PACRG: variants seen among roughly 807,000 people sequenced by gnomAD.
PACRG encodes the protein parkin coregulated gene protein.
In PACRG, 29 loss-of-function variants were observed where a neutral mutation model predicts 29.7. That is an observed-to-expected ratio of 0.98 (90% CI 0.73 to 1.33). PACRG has a LOEUF of 1.33. PACRG is among the 40% of genes most tolerant of loss of function. The probability of loss-of-function intolerance (pLI) is 0.00; values close to 1 mark genes in which losing one functional copy is unlikely to be tolerated. For synonymous variants in PACRG, 116 were observed against 118.7 expected (o/e 0.98, Z 0.15); for missense variants, 279 against 316.2 (o/e 0.88, Z 0.89).
chr6:162,733,245 T>C (rs1779910519), intron 1 of PACRG, among the ~76,000 whole-genome samples: 1 of 152,216 alleles, frequency 6.6e-6, no homozygotes, highest in South Asian at 2.1e-4. Context: ...GTCACCCACA[T>C]AGAAAGTTAT....
chr6:163,099,786 A>G (rs75698556), intron 4 of PACRG, among the ~76,000 whole-genome samples: 1,632 of 152,272 alleles, frequency 0.011, 32 homozygotes, highest in African/African-American at 0.038. Context: ...GCTTGACTGG[A>G]TGGAGGAGCC....
intron 2 of PACRG, among the ~76,000 whole-genome samples, chr6:163,008,244 C>G (rs1275890853): frequency 6.6e-6 from 1 of 152,102 alleles, no homozygotes; most frequent in African/African-American, 2.4e-5. Context: ...CTCAGGCCCT[C>G]AAAGACAGAT....
intron 4 of PACRG, among the ~76,000 whole-genome samples, chr6:163,092,493 G>A (rs1288931621): frequency 6.6e-6 from 1 of 152,162 alleles, no homozygotes; most frequent in African/African-American, 2.4e-5. Flanking sequence ...ATCCTCTTGT[G>A]TGTTCATAAT....
Position 162,953,890 on chromosome 6 carries a change from A to G in PACRG, c.292-108260A>G, listed in dbSNP as rs75895626. ...TTGCAAAAAAGCAGAAATGAAAAAT[A>G]CTATATGAACTTATCAATACTGCCT... On this transcript the variant is annotated intron_variant, in intron 2 of 4. Coordinates refer to ENST00000366888, the MANE Select transcript of PACRG (RefSeq NM_001080379.2). 8.4e-3 allele frequency among the ~76,000 whole-genome samples: 1,285 copies of G among 152,350 alleles called. 26 individuals carry two copies. Among genetic ancestry groups the G allele is most frequent in the African/African-American group, 0.029 (1,219 of 41,580 alleles).
At chr6:162,988,967 T>C (rs1005831198) in intron 2 of PACRG, among the ~76,000 whole-genome samples, 4 of 152,166 alleles carry the variant, frequency 2.6e-5, no homozygotes, top group African/African-American at 9.7e-5. Context: ...TACATTACAA[T>C]GTTCAATACA....
intron 4 of PACRG, among the ~76,000 whole-genome samples, chr6:163,091,936 G>A (rs1814144195): frequency 6.6e-6 from 1 of 152,140 alleles, no homozygotes; most frequent in Admixed American, 6.5e-5. Flanking sequence ...GTATGTAGCA[G>A]TAGAAAAAAC....
rs1252852678 is a variant in PACRG, at chr6:162,728,159, G to C, written c.-77G>C. The C allele has an allele frequency of 1.3e-5, 19 of 1,514,076 alleles. No homozygotes were observed. In the Admixed American group the frequency reaches 3.8e-4, roughly 30 times the overall value. The allele number at this position is 1,514,076 out of a possible 1,614,324, so 93.8% of individuals were successfully genotyped here. On this transcript the variant is annotated 5_prime_UTR_variant, in exon 1 of 5. Transcript: ENST00000366888. ...TCGCGCCTTTTGATATTTTTTTCCA[G>C]ACCTCCTGCTCACATCCGTAAAGCC...
intron 4 of PACRG, among the ~76,000 whole-genome samples, chr6:163,111,060 C>T (rs1342434601): frequency 2.0e-5 from 3 of 152,160 alleles, no homozygotes; most frequent in Admixed American, 2.0e-4. Context: ...TTCCTTCAAC[C>T]TCAGTGCATG....
intron 4 of PACRG, among the ~76,000 whole-genome samples, chr6:163,262,728 T>C (rs1045446323): frequency 1.3e-5 from 2 of 151,946 alleles, no homozygotes; most frequent in African/African-American, 4.8e-5. Context: ...AGGAAACAAA[T>C]GGATCACTGG....
rs547006469 is a variant in PACRG, at chr6:163,129,668, C to G, written c.613+40260C>G. On this transcript the variant is annotated intron_variant, in intron 4 of 4. Coordinates refer to ENST00000366888, the MANE Select transcript of PACRG (RefSeq NM_001080379.2). ...GCAGCCTCCATCTTCCTACTGATCA[C>G]AGGGCAGCGTGGCAGTGGTTAGGAG... Among the ~76,000 whole-genome samples the G allele has an allele frequency of 9.8e-4, 149 of 152,324 alleles. 1 individual carries two copies. The highest frequency in any genetic ancestry group is 3.6e-3 in the African/African-American group (149 of 41,576).
chr6:162,961,367 C>A (rs929888311), intron 2 of PACRG, among the ~76,000 whole-genome samples: 1 of 152,246 alleles, frequency 6.6e-6, no homozygotes, highest in African/African-American at 2.4e-5. Context: ...GGTGTCACAG[C>A]ATGACAGCAG....
chr6:162,959,076 GCTAA>G lies in PACRG; in HGVS notation c.292-103071_292-103068del, dbSNP rs201200958. On this transcript the variant is annotated intron_variant, in intron 2 of 4. Coordinates refer to ENST00000366888, the MANE Select transcript of PACRG (RefSeq NM_001080379.2). ...CTACAGGTGCACGACACCATGCCTG[GCTAA>G]CTTTTTTTTTTTTTTGTAGTGGAGA... Among the ~76,000 whole-genome samples, 128 of 137,560 alleles carry G rather than the reference GCTAA, an allele frequency of 9.3e-4. 1 individual carries two copies. The highest frequency in any genetic ancestry group is 2.8e-3 in the African/African-American group (89 of 31,720). The allele number at this position is 137,560 out of a possible 152,430, so 90.2% of individuals were successfully genotyped here. A position where few individuals can be genotyped will look rare whatever the true frequency, so the allele number is the denominator to read the frequency against.
chr6:162,958,954 A>G (rs1721087987), intron 2 of PACRG, among the ~76,000 whole-genome samples: 1 of 131,054 alleles, frequency 7.6e-6, no homozygotes, highest in Non-Finnish European at 1.6e-5. Flanking sequence ...ATCTCACTCC[A>G]TCACCCAGGC....
intron 2 of PACRG, among the ~76,000 whole-genome samples, chr6:163,060,678 A>C (rs1420577130): frequency 3.3e-5 from 5 of 152,140 alleles, no homozygotes; most frequent in Non-Finnish European, 7.3e-5. Context: ...GTAAATGGGA[A>C]GTCTGTGAGC....
At chr6:162,781,418 C>T (rs1055151131) in intron 1 of PACRG, among the ~76,000 whole-genome samples, 2 of 151,686 alleles carry the variant, frequency 1.3e-5, no homozygotes, top group Admixed American at 1.3e-4. Flanking sequence ...ATAGAAGAAA[C>T]CCTGTGTCTA....
At chr6:162,974,687 G>A (rs532473945) in intron 2 of PACRG, among the ~76,000 whole-genome samples, 13 of 152,218 alleles carry the variant, frequency 8.5e-5, no homozygotes, top group African/African-American at 2.9e-4. Context: ...ATTAATAATT[G>A]CTAACACATA....
intron 2 of PACRG, among the ~76,000 whole-genome samples, chr6:162,998,203 A>G (rs1804256762): frequency 6.6e-6 from 1 of 152,184 alleles, no homozygotes; most frequent in African/African-American, 2.4e-5. Context: ...CGATTTTCTA[A>G]CCCACCTTTT....
intron 2 of PACRG, among the ~76,000 whole-genome samples, chr6:163,036,939 C>A (rs1808256969): frequency 6.6e-6 from 1 of 151,670 alleles, no homozygotes; most frequent in Admixed American, 6.6e-5. Flanking sequence ...TGTGACAGAC[C>A]CTGAGCCATG....
At chr6:163,265,412 C>T (rs545441883) in intron 4 of PACRG, among the ~76,000 whole-genome samples, 2 of 152,216 alleles carry the variant, frequency 1.3e-5, no homozygotes, top group African/African-American at 2.4e-5. Flanking sequence ...GTGGGGGGCA[C>T]TCTTCGGGCC....
Sources: allele counts gnomAD v4.1 joint callset (sites outside exome capture counted in the v4.1 genomes callset), GRCh38; gene constraint gnomAD v4.1.1; transcripts MANE v1.5; gene names NCBI Gene and HGNC (gene_info 2026-07-23, HGNC 2026-07-21).